Variants in NBEA observed in about 807,000 individuals in gnomAD.
NBEA encodes the protein lysosomal-trafficking regulator 2.
A neutral mutation model predicts 343.4 loss-of-function variants in NBEA; 44 were observed. That is an observed-to-expected ratio of 0.13 (90% CI 0.10 to 0.16). NBEA has a LOEUF of 0.16. Ranked by LOEUF, NBEA falls within the 10% of genes least tolerant of loss-of-function variation. The probability of loss-of-function intolerance (pLI) is 1.00; values close to 1 mark genes in which losing one functional copy is unlikely to be tolerated. For missense variants in NBEA, 2,555 were observed against 3,631.3 expected, an observed-to-expected ratio of 0.70 and a Z score of 7.62; for synonymous variants, 1,175 against 1,238.7, an observed-to-expected ratio of 0.95 and a Z score of 1.08.
intron 10 of NBEA, among the ~76,000 whole-genome samples, chr13:35,080,345 A>C (rs1283994547): frequency 6.6e-6 from 1 of 152,122 alleles, no homozygotes; most frequent in Non-Finnish European, 1.5e-5. Flanking sequence ...CCTTTGCAGG[A>C]TCATTTTGAC....
intron 1 of NBEA, among the ~76,000 whole-genome samples, chr13:35,021,623 C>CT (rs568108394): frequency 1.1e-3 from 168 of 148,126 alleles, no homozygotes; most frequent in African/African-American, 2.6e-3. Context: ...ATTAACTACA[C>CT]TTTTTTTTTT....
chr13:35,277,534 T>G (rs2034679462), intron 34 of NBEA, among the ~76,000 whole-genome samples: 1 of 136,126 alleles, frequency 7.3e-6, no homozygotes, highest in Non-Finnish European at 1.5e-5. Flanking sequence ...GGCAGGAAAA[T>G]CACTTGAACC....
At chr13:35,620,800 T>C (rs936500527) in intron 48 of NBEA, among the ~76,000 whole-genome samples, 15 of 152,100 alleles carry the variant, frequency 9.9e-5, no homozygotes, top group Admixed American at 3.3e-4. Context: ...ATTTTAAAAT[T>C]TGAGCCTATA....
chr13:35,271,051 G>A lies in NBEA; in HGVS notation c.5777-19338G>A, dbSNP rs550003944. Among the ~76,000 whole-genome samples, 3 of 152,336 alleles carry A rather than the reference G, an allele frequency of 2.0e-5. No individual in the cohort carries two copies. In the East Asian group the frequency reaches 5.8e-4, roughly 29 times the overall value. On this transcript the variant is annotated intron_variant, in intron 34 of 58. Transcript: ENST00000379939. ...TAACGGACAGACTGCCTCCTCAAGT[G>A]GGTCCCTGACCCCCATGTAGCCTGA...
intron 1 of NBEA, among the ~76,000 whole-genome samples, chr13:35,001,148 A>C (rs1017690164): frequency 1.3e-5 from 2 of 152,108 alleles, no homozygotes; most frequent in Non-Finnish European, 1.5e-5. Flanking sequence ...AAAAATAATA[A>C]CTAGGGTAAC....
chr13:35,138,953 TTATA>T (rs1449109167), intron 17 of NBEA, among the ~76,000 whole-genome samples: 1 of 152,056 alleles, frequency 6.6e-6, no homozygotes, highest in African/African-American at 2.4e-5. Flanking sequence ...AAAATGATAT[TTATA>T]ATGATTATGT....
chr13:35,411,233 A>G (rs1928388), intron 38 of NBEA, among the ~76,000 whole-genome samples: 74,787 of 152,002 alleles, frequency 0.49, 19,870 homozygotes, highest in African/African-American at 0.69. Context: ...ATATGCAGCC[A>G]ATATGGGTGC....
At chr13:35,436,739 A>G (rs567314052) in intron 39 of NBEA, among the ~76,000 whole-genome samples, 1 of 152,204 alleles carries the variant, frequency 6.6e-6, no homozygotes, top group African/African-American at 2.4e-5. Context: ...CTGCTTTGAA[A>G]GTTAAGTGCT....
At chr13:35,148,333 A>G (rs997546340) in intron 18 of NBEA, among the ~76,000 whole-genome samples, 5 of 152,190 alleles carry the variant, frequency 3.3e-5, no homozygotes, top group African/African-American at 9.7e-5. Flanking sequence ...AGTAAAGTCC[A>G]TTGGTCACTT....
intron 39 of NBEA, among the ~76,000 whole-genome samples, chr13:35,445,372 A>G (rs936055273): frequency 1.2e-4 from 18 of 152,238 alleles, no homozygotes; most frequent in African/African-American, 4.3e-4. Flanking sequence ...TAATCTCCAC[A>G]CATTTCCATT....
chr13:35,136,713 T>A (rs1392283839), intron 17 of NBEA, among the ~76,000 whole-genome samples: 1 of 152,236 alleles, frequency 6.6e-6, no homozygotes, highest in Admixed American at 6.5e-5. Flanking sequence ...CTGCAAGTTC[T>A]GAAAGAAGGT....
chr13:35,535,703 A>G (rs1041664724), intron 41 of NBEA, among the ~76,000 whole-genome samples: 1 of 152,206 alleles, frequency 6.6e-6, no homozygotes, highest in Non-Finnish European at 1.5e-5. Flanking sequence ...TATAAGGGAA[A>G]CTGTCACAAG....
At chr13:35,033,959 T>C (rs1393242580) in intron 1 of NBEA, among the ~76,000 whole-genome samples, 1 of 151,864 alleles carries the variant, frequency 6.6e-6, no homozygotes, top group Non-Finnish European at 1.5e-5. Context: ...ACAAGGATAA[T>C]TTGACTTCTT....
intron 31 of NBEA, 119 bp downstream of exon 31, chr13:35,196,421 G>A: frequency 1.0e-6 from 1 of 972,644 alleles, no homozygotes; most frequent in East Asian, 2.7e-5. Flanking sequence ...TTATTACAAA[G>A]ACAATCAAAA....
intron 39 of NBEA, among the ~76,000 whole-genome samples, chr13:35,446,322 GT>G (rs1566145900): frequency 6.6e-6 from 1 of 152,020 alleles, no homozygotes; most frequent in African/African-American, 2.4e-5. Context: ...AATCCTTTGG[GT>G]ATATACCCAG....
At chr13:35,447,026 T>C (rs2046084931) in intron 39 of NBEA, among the ~76,000 whole-genome samples, 1 of 152,100 alleles carries the variant, frequency 6.6e-6, no homozygotes, top group South Asian at 2.1e-4. Context: ...TCTTTATTAG[T>C]ATAGATGTTT....
At position 35,262,390 on chromosome 13, in the gene NBEA, C is replaced by A. The variant is rs909455718; in HGVS notation, c.5777-27999C>A. ...AAAACCTATAAATCAATGTTCACAT[C>A]AGTTATTGGTGTAATAGTCAAGAGA... On this transcript the variant is annotated intron_variant, in intron 34 of 58. Coordinates refer to ENST00000379939, the MANE Select transcript of NBEA (RefSeq NM_001385012.1). Among the ~76,000 whole-genome samples, 5 of 152,278 alleles carry A rather than the reference C, an allele frequency of 3.3e-5. No homozygotes were observed. In the East Asian group the frequency reaches 9.6e-4, roughly 29 times the overall value.
At chr13:35,355,429 A>T (rs1002418544) in intron 38 of NBEA, among the ~76,000 whole-genome samples, 2 of 152,050 alleles carry the variant, frequency 1.3e-5, no homozygotes, top group Non-Finnish European at 2.9e-5. Context: ...TAATTAATTA[A>T]AATTTAATTT....
chr13:35,298,211 GTA>G lies in NBEA; in HGVS notation c.5838+7797_5838+7798del, dbSNP rs72309538. 3.7e-3 allele frequency among the ~76,000 whole-genome samples: 377 copies of G among 102,978 alleles called. 2 individuals are homozygous for G. Among genetic ancestry groups the G allele is most frequent in the African/African-American group, 0.011 (248 of 23,136 alleles). The allele number at this position is 102,978 out of a possible 152,430, so 67.6% of individuals were successfully genotyped here. A position where few individuals can be genotyped will look rare whatever the true frequency, so the allele number is the denominator to read the frequency against. On this transcript the variant is annotated intron_variant, in intron 35 of 58. Coordinates refer to ENST00000379939, the MANE Select transcript of NBEA (RefSeq NM_001385012.1). Reference sequence around the variant, plus strand: ...TATGTGTGTGTGTGTGTGTGTGTGTGTATATATATATATATATATATATATAT... The same window carrying G: ...TATGTGTGTGTGTGTGTGTGTGTGTGTATATATATATATATATATATATAT...
Sources: gnomAD v4.1 joint callset for allele counts (sites outside exome capture counted in the v4.1 genomes callset) on GRCh38, gnomAD v4.1.1 for gene constraint, MANE v1.5 for transcripts, NCBI Gene and HGNC (gene_info 2026-07-23, HGNC 2026-07-21) for gene names.